The following CD28 variants were observed in gnomAD, a reference collection of about 807,000 sequenced individuals.
CD28 encodes CD28 molecule, also known as T-cell-specific surface glycoprotein CD28.
A neutral mutation model predicts 21.4 loss-of-function variants in CD28; 8 were observed. That is an observed-to-expected ratio of 0.37 (90% CI 0.22 to 0.68). The LOEUF (loss-of-function observed/expected upper bound fraction) is 0.68, where lower values mean the gene tolerates loss of function less well. Ranked by LOEUF, CD28 falls within the 30% of genes least tolerant of loss-of-function variation. The pLI is 0.55. For synonymous variants in CD28, 106 were observed against 104.0 expected (o/e 1.02, Z -0.12); for missense variants, 239 against 272.2 (o/e 0.88, Z 0.86).
At position 203,735,065 on chromosome 2, in the gene CD28, T is replaced by G. The variant is rs1344031289; in HGVS notation, c.*153T>G. On this transcript the variant is annotated 3_prime_UTR_variant, in exon 4 of 4. Transcript: ENST00000324106. Reference sequence around the variant, plus strand: ...TTTTCTCGAGTGACTAGACCAAATATCAAGATCATTTTGAGACTCTGAAAT... The same window carrying G: ...TTTTCTCGAGTGACTAGACCAAATAGCAAGATCATTTTGAGACTCTGAAAT... 2 of 790,952 alleles carry G rather than the reference T, an allele frequency of 2.5e-6. No homozygotes were observed. The highest frequency in any genetic ancestry group is 5.3e-5 in the East Asian group (2 of 37,568). The allele number at this position is 790,952 out of a possible 1,614,324, so 49.0% of individuals were successfully genotyped here.
intron 1 of CD28, among the ~76,000 whole-genome samples, chr2:203,711,487 T>C (rs1392108472): frequency 4.6e-5 from 7 of 152,232 alleles, no homozygotes; most frequent in Admixed American, 1.3e-4. Flanking sequence ...GGAGAAGTTC[T>C]TACTTAACTT....
chr2:203,729,519 A>C, intron 2 of CD28, 129 bp from the exon 3 acceptor site: 4 of 966,570 alleles, frequency 4.1e-6, no homozygotes, highest in Non-Finnish European at 6.2e-6. Context: ...GAGGAAATCT[A>C]TTCACTCTAA....
chr2:203,707,165 C>T (rs995431408), intron 1 of CD28, among the ~76,000 whole-genome samples: 18 of 151,876 alleles, frequency 1.2e-4, no homozygotes, highest in African/African-American at 3.9e-4. Context: ...ATTTATGTAT[C>T]GTTTCTTTCT....
Position 203,734,847 on chromosome 2 carries a change from G to A in CD28, c.598G>A (p.Gly200Arg), listed in dbSNP as rs200751829. 63 of 1,614,022 alleles carry A rather than the reference G, an allele frequency of 3.9e-5. No individual in the cohort carries two copies. The highest frequency in any genetic ancestry group is 5.3e-5 in the African/African-American group (4 of 74,924). Residue 200 changes from glycine to arginine, a missense_variant, in exon 4 of 4, where the codon GGG becomes AGG. Gly to Arg is a moderately radical substitution (Grantham distance 125). Around this residue, in one of 3 missense-constraint regions of CD28, gnomAD observed 112 missense variants for 112.8 expected, o/e 0.99. Coordinates refer to ENST00000324106, the MANE Select transcript of CD28 (RefSeq NM_006139.4). ...CATGAACATGACTCCCCGCCGCCCCGGGCCCACCCGCAAGCATTACCAGCC... is the reference window on the plus strand; with the variant it reads ...CATGAACATGACTCCCCGCCGCCCCAGGCCCACCCGCAAGCATTACCAGCC... ...DYMNMTPRRP[G>R]PTRKHYQPYA...
rs147897017 is a variant in CD28 at position 203,720,168 on chromosome 2, A to G, written c.53-6465A>G. 2.2e-3 allele frequency among the ~76,000 whole-genome samples: 332 copies of G among 152,214 alleles called. 10 individuals are homozygous for G. The South Asian group carries it at 0.064, about 29-fold the overall frequency. On this transcript the variant is annotated intron_variant, in intron 1 of 3. Transcript: ENST00000324106. ...GCAGATAAGTACCTTCTCACCTCCA[A>G]TCTCACTCTTCATGTTGCCTGTTGT...
intron 1 of CD28, among the ~76,000 whole-genome samples, chr2:203,710,646 T>C (rs1055060299): frequency 2.0e-5 from 3 of 152,256 alleles, no homozygotes; most frequent in African/African-American, 7.2e-5. Context: ...CTGCAAGCAG[T>C]GTGCTGACAT....
intron 1 of CD28, among the ~76,000 whole-genome samples, chr2:203,715,021 G>T (rs558062484): frequency 2.0e-5 from 3 of 152,284 alleles, no homozygotes; most frequent in Admixed American, 6.5e-5. Context: ...TTCTTCAGAG[G>T]TATGTGATTT....
At chr2:203,732,503 C>G (rs922463218) in intron 3 of CD28, among the ~76,000 whole-genome samples, 7 of 152,182 alleles carry the variant, frequency 4.6e-5, no homozygotes, top group Non-Finnish European at 1.0e-4. Context: ...GTAGTGTCTG[C>G]TTTTTATAAT....
intron 1 of CD28, among the ~76,000 whole-genome samples, chr2:203,714,497 C>G (rs908882854): frequency 2.7e-5 from 3 of 112,640 alleles, no homozygotes; most frequent in African/African-American, 8.1e-5. Context: ...TTCTTTTGCC[C>G]TCTCTTTTTT....
intron 3 of CD28, 113 bp from the exon 4 acceptor site, chr2:203,734,671 G>A (rs1050039500): frequency 1.8e-5 from 23 of 1,307,666 alleles, no homozygotes; most frequent in Admixed American, 3.4e-5. Flanking sequence ...AAAAAGGTTA[G>A]TGTTTTAGTG....
At position 203,729,812 on chromosome 2, in the gene CD28, G is replaced by A. The variant is rs553280071; in HGVS notation, c.534+40G>A. 1.5e-5 allele frequency: 24 copies of A among 1,600,714 alleles called. No individual in the cohort carries two copies. In the South Asian group the frequency reaches 2.6e-4, roughly 17 times the overall value. On this transcript the variant is annotated intron_variant, in intron 3 of 3. Transcript: ENST00000324106. ...ACTGCTTTTATGTAACTTTTCCACT[G>A]CACATGAAATCTGAACACATTCAAG...
At position 203,726,999 on chromosome 2, in the gene CD28, A is replaced by G. The variant is rs1161196676; in HGVS notation, c.409+10A>G. On this transcript the variant is annotated intron_variant, in intron 2 of 3. Coordinates refer to ENST00000324106, the MANE Select transcript of CD28 (RefSeq NM_006139.4). ...ATTATCCATGTGAAAGGTAACATACAACTTTACCAGTGTACCACCCTAAAG... is the reference window on the plus strand; with the variant it reads ...ATTATCCATGTGAAAGGTAACATACGACTTTACCAGTGTACCACCCTAAAG... The G allele has an allele frequency of 1.3e-6, 2 of 1,499,292 alleles. No homozygotes were observed. Among genetic ancestry groups the G allele is most frequent in the East Asian group, 2.3e-5 (1 of 44,304 alleles). The allele number at this position is 1,499,292 out of a possible 1,614,324, so 92.9% of individuals were successfully genotyped here.
intron 2 of CD28, among the ~76,000 whole-genome samples, chr2:203,729,068 G>A (rs1452419851): frequency 6.6e-6 from 1 of 152,128 alleles, no homozygotes; most frequent in Non-Finnish European, 1.5e-5. Context: ...ATGCTTTCTA[G>A]TTCTAATTTT....
At chr2:203,726,572 C>T (rs1693753844) in intron 1 of CD28, 61 bp from the exon 2 acceptor site, 6 of 1,270,938 alleles carry the variant, frequency 4.7e-6, no homozygotes, top group Admixed American at 2.1e-5. Context: ...ATATTTTGCT[C>T]TCAGGAAGAA....
At chr2:203,713,080 G>T (rs189266340) in intron 1 of CD28, among the ~76,000 whole-genome samples, 1 of 152,318 alleles carries the variant, frequency 6.6e-6, no homozygotes, top group East Asian at 1.9e-4. Context: ...GAAGGAAAAG[G>T]TGGATTAATA....
chr2:203,713,208 C>T (rs966429603), intron 1 of CD28, among the ~76,000 whole-genome samples: 2 of 152,166 alleles, frequency 1.3e-5, no homozygotes, highest in African/African-American at 4.8e-5. Context: ...ATACTGGTAA[C>T]AGAAATTCAA....
intron 1 of CD28, 61 bp from the exon 2 acceptor site, chr2:203,726,571 TC>T: frequency 8.2e-7 from 1 of 1,220,604 alleles, no homozygotes; most frequent in Non-Finnish European, 1.2e-6. Context: ...TATATTTTGC[TC>T]TCAGGAAGAA....
In CD28 at chr2:203,736,318, C is replaced by T. The variant is rs201644971; in HGVS notation, c.*1406C>T. ...TAGAATGGAGTAATGAAATTCTTGC[C>T]ATGTGCTGAGGAGATAGCCAGCATT... On this transcript the variant is annotated 3_prime_UTR_variant, in exon 4 of 4. Coordinates refer to ENST00000324106, the MANE Select transcript of CD28 (RefSeq NM_006139.4). 33 of 152,550 alleles carry T rather than the reference C, an allele frequency of 2.2e-4. No homozygotes were observed. The highest frequency in any genetic ancestry group is 7.7e-4 in the African/African-American group (32 of 41,396). The allele number at this position is 152,550 out of a possible 1,614,324, so 9.4% of individuals were successfully genotyped here. A position where few individuals can be genotyped will look rare whatever the true frequency, so the allele number is the denominator to read the frequency against.
At chr2:203,707,826 T>C (rs1693200995) in intron 1 of CD28, among the ~76,000 whole-genome samples, 2 of 152,200 alleles carry the variant, frequency 1.3e-5, no homozygotes, top group South Asian at 2.1e-4. Context: ...CCATCTAACA[T>C]GGTGTGATTT....
Sources: allele counts gnomAD v4.1 joint callset (sites outside exome capture counted in the v4.1 genomes callset), GRCh38; gene constraint gnomAD v4.1.1; regional missense constraint gnomAD v4.1.1; transcripts MANE v1.5; gene names NCBI Gene and HGNC (gene_info 2026-07-23, HGNC 2026-07-21).